THSD7A: variants seen among roughly 807,000 people sequenced by gnomAD.
THSD7A encodes thrombospondin type-1 domain-containing protein 7A.
In THSD7A, 96 loss-of-function variants were observed where a neutral mutation model predicts 231.3. The ratio of observed to expected loss-of-function variants is 0.41; its 90% CI spans 0.35 to 0.49. THSD7A has a LOEUF of 0.49. Ranked by LOEUF, THSD7A falls within the 20% of genes least tolerant of loss-of-function variation. The probability of loss-of-function intolerance (pLI) is 0.05; values close to 1 mark genes in which losing one functional copy is unlikely to be tolerated. For missense variants in THSD7A, 2,290 were observed against 2,070.2 expected (o/e 1.11, Z -2.06); for synonymous variants, 940 against 743.3 (o/e 1.26, Z -4.30).
In THSD7A at chr7:11,442,314, G is replaced by C. The variant is rs918654015; in HGVS notation, c.3064+3747C>G. ...AAACTTAAAAAAAAGTGACCTAGTGGGAAACAGTCTAAAATAATATAATTA... is the reference window on the plus strand; with the variant it reads ...AAACTTAAAAAAAAGTGACCTAGTGCGAAACAGTCTAAAATAATATAATTA... On this transcript the variant is annotated intron_variant, in intron 13 of 27. Coordinates refer to ENST00000423059, the MANE Select transcript of THSD7A (RefSeq NM_015204.3). Among the ~76,000 whole-genome samples the C allele has an allele frequency of 8.6e-5, 13 of 151,820 alleles. 1 individual carries two copies. Among genetic ancestry groups the C allele is most frequent in the African/African-American group, 3.1e-4 (13 of 41,346 alleles).
intron 1 of THSD7A, among the ~76,000 whole-genome samples, chr7:11,795,652 A>T (rs6460845): frequency 0.33 from 50,584 of 151,774 alleles, 10,110 homozygotes; most frequent in African/African-American, 0.56. Context: ...CTTGCATATA[A>T]AATTTACAAA....
At chr7:11,688,680 A>T (rs1157208176) in intron 1 of THSD7A, among the ~76,000 whole-genome samples, 4 of 151,812 alleles carry the variant, frequency 2.6e-5, no homozygotes, top group Admixed American at 2.6e-4. Flanking sequence ...GAATAGGAGA[A>T]GGAAGTGTGT....
chr7:11,554,871 G>C (rs922315297), intron 4 of THSD7A, among the ~76,000 whole-genome samples: 3 of 151,820 alleles, frequency 2.0e-5, no homozygotes, highest in Non-Finnish European at 4.4e-5. Flanking sequence ...TGTAGTCTAA[G>C]TTGTCAAATT....
At chr7:11,767,582 A>C (rs1365358913) in intron 1 of THSD7A, among the ~76,000 whole-genome samples, 1 of 152,148 alleles carries the variant, frequency 6.6e-6, no homozygotes, top group African/African-American at 2.4e-5. Context: ...AACTTTCAAA[A>C]TTATTGTATA....
At chr7:11,552,333 C>T (rs1789665888) in intron 4 of THSD7A, among the ~76,000 whole-genome samples, 1 of 152,010 alleles carries the variant, frequency 6.6e-6, no homozygotes, top group Non-Finnish European at 1.5e-5. Flanking sequence ...AAAATACACA[C>T]ACACTCCCAA....
intron 1 of THSD7A, among the ~76,000 whole-genome samples, chr7:11,761,741 C>T (rs1288175939): frequency 6.6e-6 from 1 of 151,276 alleles, no homozygotes; most frequent in African/African-American, 2.4e-5. Flanking sequence ...AATTGCATTC[C>T]TTTCTTTCTT....
At chr7:11,400,877 A>G (rs1218449138) in intron 23 of THSD7A, among the ~76,000 whole-genome samples, 1 of 152,122 alleles carries the variant, frequency 6.6e-6, no homozygotes, top group Non-Finnish European at 1.5e-5. Context: ...TTGTTTGTTG[A>G]GCCCCACACC....
intron 7 of THSD7A, among the ~76,000 whole-genome samples, chr7:11,476,035 C>T (rs559219380): frequency 2.5e-4 from 36 of 144,910 alleles, no homozygotes; most frequent in Admixed American, 2.4e-3. Flanking sequence ...ATAACCTTTT[C>T]CTTTTTAAAT....
At chr7:11,555,287 T>C (rs1261934444) in intron 4 of THSD7A, among the ~76,000 whole-genome samples, 1 of 151,934 alleles carries the variant, frequency 6.6e-6, no homozygotes, top group Non-Finnish European at 1.5e-5. Flanking sequence ...TTTTGATATA[T>C]TTTCTTTTCA....
At chr7:11,598,314 G>A (rs1172754939) in intron 2 of THSD7A, among the ~76,000 whole-genome samples, 2 of 152,204 alleles carry the variant, frequency 1.3e-5, no homozygotes, top group East Asian at 3.9e-4. Flanking sequence ...GAAGATATTT[G>A]TATTCCATGT....
rs142488658 is a variant in THSD7A, at chr7:11,559,060, A to T, written c.1454-15943T>A. The stretch of plus-strand genomic sequence containing the variant: ...GCTTTGGGGAAAGAGGCCAGGAGCC[A>T]AGGGATGTGGGTGATTCCTAGAAGC... On this transcript the variant is annotated intron_variant, in intron 4 of 27. Transcript: ENST00000423059. Among the ~76,000 whole-genome samples, 292 of 152,282 alleles carry T rather than the reference A, an allele frequency of 1.9e-3. 1 individual carries two copies. The highest frequency in any genetic ancestry group is 1.4e-3 in the Non-Finnish European group (92 of 68,016).
At chr7:11,619,915 T>C (rs1781247921) in intron 2 of THSD7A, among the ~76,000 whole-genome samples, 1 of 152,202 alleles carries the variant, frequency 6.6e-6, no homozygotes. Context: ...TAAAAATTCC[T>C]GATAAAACAT....
At chr7:11,548,896 A>C (rs1212325900) in intron 4 of THSD7A, among the ~76,000 whole-genome samples, 2 of 152,012 alleles carry the variant, frequency 1.3e-5, no homozygotes, top group Non-Finnish European at 2.9e-5. Flanking sequence ...TATTATACCA[A>C]ATGGACAAAA....
chr7:11,532,134 G>C (rs1373025464), intron 6 of THSD7A, among the ~76,000 whole-genome samples: 1 of 151,646 alleles, frequency 6.6e-6, no homozygotes, highest in African/African-American at 2.4e-5. Context: ...TGGAACATGA[G>C]AGGACACCTG....
intron 2 of THSD7A, among the ~76,000 whole-genome samples, chr7:11,621,064 C>T (rs1781291454): frequency 6.6e-6 from 1 of 152,204 alleles, no homozygotes; most frequent in South Asian, 2.1e-4. Context: ...CCTCACAACT[C>T]ACATTAGGCA....
chr7:11,711,612 A>G (rs754913391), intron 1 of THSD7A, among the ~76,000 whole-genome samples: 2 of 151,132 alleles, frequency 1.3e-5, no homozygotes, highest in Non-Finnish European at 3.0e-5. Flanking sequence ...AGGTGAACCT[A>G]TAACACTTGG....
intron 1 of THSD7A, among the ~76,000 whole-genome samples, chr7:11,673,764 C>T (rs908446479): frequency 6.6e-6 from 1 of 152,084 alleles, no homozygotes; most frequent in Non-Finnish European, 1.5e-5. Flanking sequence ...TCCAGGAGTC[C>T]CACCCTTGGA....
chr7:11,612,850 G>A (rs1206674215), intron 2 of THSD7A, among the ~76,000 whole-genome samples: 3 of 152,132 alleles, frequency 2.0e-5, no homozygotes, highest in Non-Finnish European at 4.4e-5. Context: ...CTGATTATTA[G>A]TGAGGATGAA....
In THSD7A at chr7:11,497,423, T is replaced by G. The variant is rs145989732; in HGVS notation, c.1823-15441A>C. Reference sequence around the variant, plus strand: ...CTGTCAAATATAAAACTAATGGTATTGATAAAAATGTACCTCATTGCATTT... The same window carrying G: ...CTGTCAAATATAAAACTAATGGTATGGATAAAAATGTACCTCATTGCATTT... On this transcript the variant is annotated intron_variant, in intron 6 of 27. Transcript: ENST00000423059. 2.1e-3 allele frequency among the ~76,000 whole-genome samples: 316 copies of G among 152,240 alleles called. 1 individual carries two copies. Among genetic ancestry groups the G allele is most frequent in the African/African-American group, 7.1e-3 (296 of 41,506 alleles).
Sources: allele counts gnomAD v4.1 joint callset (sites outside exome capture counted in the v4.1 genomes callset), GRCh38; gene constraint gnomAD v4.1.1; transcripts MANE v1.5; gene names NCBI Gene and HGNC (gene_info 2026-07-23, HGNC 2026-07-21).